CCDC93: variants seen among roughly 807,000 people sequenced by gnomAD.
CCDC93 encodes the protein CCC complex scaffolding subunit CCDC93, also known as coiled-coil domain-containing protein 93.
A neutral mutation model predicts 108.2 loss-of-function variants in CCDC93; 61 were observed. That is an observed-to-expected ratio of 0.56 (90% CI 0.46 to 0.70). The LOEUF (loss-of-function observed/expected upper bound fraction) is 0.70, where lower values mean the gene tolerates loss of function less well. Ranked by LOEUF, CCDC93 falls within the 30% of genes least tolerant of loss-of-function variation. The pLI, the probability that CCDC93 is intolerant of heterozygous loss-of-function variation, is 0.00. For missense variants in CCDC93, 685 were observed against 764.2 expected (o/e 0.90, Z 1.22); for synonymous variants, 276 against 260.4 (o/e 1.06, Z -0.58).
At chr2:117,990,186 A>G (rs1428341289) in intron 6 of CCDC93, among the ~76,000 whole-genome samples, 1 of 152,196 alleles carries the variant, frequency 6.6e-6, no homozygotes, top group Non-Finnish European at 1.5e-5. Flanking sequence ...CTGACATCTC[A>G]GAGGAGGAAG....
At position 117,941,210 on chromosome 2, in the gene CCDC93, A is replaced by G; in HGVS notation, c.1501T>C (p.Phe501Leu). 2.5e-6 allele frequency: 4 copies of G among 1,613,182 alleles called. No individual in the cohort carries two copies. Among genetic ancestry groups the G allele is most frequent in the African/African-American group, 1.3e-5 (1 of 74,932 alleles). ...CTACTCTGGCGGTAGAGTTCAATAA[A>G]TCTCTTCTGATACTGTATTAGCTCG... ...RAELIQYQKR[F>L]IELYRQISAV... Residue 501 changes from phenylalanine (F) to leucine (L), a missense_variant, in exon 19 of 24, where the codon TTT becomes CTT. Coordinates refer to ENST00000376300, the MANE Select transcript of CCDC93 (RefSeq NM_019044.5).
At chr2:117,921,448 A>T (rs1007523270) in intron 23 of CCDC93, among the ~76,000 whole-genome samples, 11 of 151,908 alleles carry the variant, frequency 7.2e-5, no homozygotes, top group African/African-American at 1.2e-4. Flanking sequence ...AATAACTCTG[A>T]CCCCATTCTC....
At position 117,975,360 on chromosome 2, in the gene CCDC93, G is replaced by A; in HGVS notation, c.658-80C>T. The A allele has an allele frequency of 7.6e-6, 8 of 1,048,276 alleles. No individual in the cohort carries two copies. In the South Asian group the frequency reaches 1.1e-4, roughly 14 times the overall value. 64.9% of individuals were successfully genotyped at this position (1,048,276 alleles called of 1,614,324 possible). A position where few individuals can be genotyped will look rare whatever the true frequency, so the allele number is the denominator to read the frequency against. ...AAAGGACAATACTGACAAGAGGCAT[G>A]AGTCTGTGAAAAAAACACAGACCTG... On this transcript the variant is annotated intron_variant, in intron 8 of 23. Transcript: ENST00000376300.
At chr2:117,986,592 G>T (rs1680326855) in intron 6 of CCDC93, among the ~76,000 whole-genome samples, 1 of 152,060 alleles carries the variant, frequency 6.6e-6, no homozygotes, top group Admixed American at 6.5e-5. Flanking sequence ...TTACTACCAG[G>T]TTTTACCAGA....
intron 7 of CCDC93, among the ~76,000 whole-genome samples, chr2:117,979,579 A>G (rs999303206): frequency 2.0e-5 from 3 of 152,248 alleles, no homozygotes; most frequent in African/African-American, 4.8e-5. Flanking sequence ...CAAACTAAAC[A>G]TAAGTGAAAA....
At chr2:117,994,768 T>C (rs1436312636) in intron 6 of CCDC93, among the ~76,000 whole-genome samples, 1 of 152,112 alleles carries the variant, frequency 6.6e-6, no homozygotes, top group Non-Finnish European at 1.5e-5. Flanking sequence ...ATGACATAAT[T>C]TAGATGAAGT....
Position 118,000,923 on chromosome 2 carries a change from T to C in CCDC93, c.261A>G (p.Ser87=). ...NSTIGQKIAL[S]EKIVSVLPRM... ...TTGGCAGGACCGAGACAATTTTTTC[T>C]GACAGAGCTCTGTTCAGAAAAAGTA... Residue 87 remains serine (S), a synonymous_variant, in exon 4 of 24, where the codon TCA becomes TCG. Transcript: ENST00000376300. 1.9e-6 allele frequency: 3 copies of C among 1,609,404 alleles called. No homozygotes were observed. The highest frequency in any genetic ancestry group is 2.6e-6 in the Non-Finnish European group (3 of 1,175,748).
intron 1 of CCDC93, among the ~76,000 whole-genome samples, chr2:118,011,729 G>A (rs1677026466): frequency 6.6e-6 from 1 of 152,010 alleles, no homozygotes. Context: ...GACACCCACT[G>A]GCCACCCCAC....
rs920325188 is a variant in CCDC93, at chr2:117,920,190, T to C, written c.*153A>G. The C allele has an allele frequency of 1.8e-6, 1 of 546,902 alleles. No homozygotes were observed. Among genetic ancestry groups the C allele is most frequent in the Non-Finnish European group, 3.3e-6 (1 of 303,078 alleles). 33.9% of individuals were successfully genotyped at this position (546,902 alleles called of 1,614,324 possible). ...ATCAACAGCAGCCAACAGAGATGAA[T>C]GGAAGCAAAGAGGAGAAAGAAAACA... On this transcript the variant is annotated 3_prime_UTR_variant, in exon 24 of 24. Transcript: ENST00000376300.
At chr2:117,992,889 AC>A (rs1466484666) in intron 6 of CCDC93, among the ~76,000 whole-genome samples, 6 of 151,414 alleles carry the variant, frequency 4.0e-5, no homozygotes, top group Non-Finnish European at 7.4e-5. Context: ...AAAAAAAAAA[AC>A]CTCCATTAAA....
Position 117,995,372 on chromosome 2 carries a change from G to A in CCDC93, c.519+74C>T, listed in dbSNP as rs776952421. 11 of 1,151,270 alleles carry A rather than the reference G, an allele frequency of 9.6e-6. 1 individual carries two copies. Among genetic ancestry groups the A allele is most frequent in the Admixed American group, 5.3e-5 (3 of 56,558 alleles). 71.3% of individuals were successfully genotyped at this position (1,151,270 alleles called of 1,614,324 possible). A position where few individuals can be genotyped will look rare whatever the true frequency, so the allele number is the denominator to read the frequency against. The stretch of plus-strand genomic sequence containing the variant: ...CGTAGATGGAAGCCTCAGGAGCAGC[G>A]CTTTTGTGATTTAACAAAGGGCTAT... On this transcript the variant is annotated intron_variant, in intron 6 of 23. Transcript: ENST00000376300.
chr2:117,949,744 T>G, intron 13 of CCDC93: 3 of 984,700 alleles, frequency 3.0e-6, no homozygotes, highest in Non-Finnish European at 3.6e-6. Context: ...AGAGGTCTAG[T>G]TGAAAATAGT....
At chr2:117,956,659 T>C (rs1304984781) in intron 12 of CCDC93, among the ~76,000 whole-genome samples, 1 of 152,212 alleles carries the variant, frequency 6.6e-6, no homozygotes, top group African/African-American at 2.4e-5. Flanking sequence ...CTCATTAAAA[T>C]GTCTAAACAA....
chr2:117,949,839 C>A lies in CCDC93; in HGVS notation c.1069-444G>T, dbSNP rs1325261768. ...ATTACATTAGAACACAAGAGTTTAA[C>A]CTCACAGGCCAAAAAGGATGGTTAA... On this transcript the variant is annotated intron_variant, in intron 13 of 23. Transcript: ENST00000376300. The A allele has an allele frequency of 4.1e-6, 4 of 985,390 alleles. No homozygotes were observed. In the African/African-American group the frequency reaches 7.0e-5, roughly 17 times the overall value. 61.0% of individuals were successfully genotyped at this position (985,390 alleles called of 1,614,324 possible). A position where few individuals can be genotyped will look rare whatever the true frequency, so the allele number is the denominator to read the frequency against.
In CCDC93 at chr2:117,920,322, T is replaced by TA. The variant is rs1320776471; in HGVS notation, c.*20dup. The TA allele has an allele frequency of 1.9e-6, 3 of 1,595,256 alleles. No homozygotes were observed. The African/African-American group carries it at 4.0e-5, about 21-fold the overall frequency. On this transcript the variant is annotated 3_prime_UTR_variant, in exon 24 of 24. Coordinates refer to ENST00000376300, the MANE Select transcript of CCDC93 (RefSeq NM_019044.5). ...GTGCTTAAAAGTAAAATCAATGACA[T>TA]ACAGCCACGGCTGGGGATGTTCAGG...
intron 23 of CCDC93, among the ~76,000 whole-genome samples, chr2:117,926,896 C>G (rs567609597): frequency 6.6e-6 from 1 of 152,142 alleles, no homozygotes; most frequent in African/African-American, 2.4e-5. Context: ...CCGAATCCAG[C>G]AGCACATCAA....
At chr2:117,931,358 T>C (rs1678320661) in intron 22 of CCDC93, 1 of 466,796 alleles carries the variant, frequency 2.1e-6, no homozygotes, top group Non-Finnish European at 3.8e-6. Flanking sequence ...TATCACTGAG[T>C]ATTAACTGTT....
chr2:117,927,265 G>C (rs2104706073), intron 23 of CCDC93, among the ~76,000 whole-genome samples: 1 of 152,188 alleles, frequency 6.6e-6, no homozygotes, highest in East Asian at 1.9e-4. Context: ...GGAAGTTCTG[G>C]TCAGGGCAAT....
Position 117,965,885 on chromosome 2 carries a change from GA to G in CCDC93, c.889-7405del, listed in dbSNP as rs34853808. Among the ~76,000 whole-genome samples, 13 of 143,594 alleles carry G rather than the reference GA, an allele frequency of 9.1e-5. No individual in the cohort carries two copies. The East Asian group carries it at 1.8e-3, about 20-fold the overall frequency. 94.2% of individuals were successfully genotyped at this position (143,594 alleles called of 152,430 possible). A position where few individuals can be genotyped will look rare whatever the true frequency, so the allele number is the denominator to read the frequency against. ...GGTCAATTCCATCAGTTCTCTGGCA[GA>G]AAAAAAAAACAAAGACTTAAAATAT... is the stretch of plus-strand genomic sequence containing the variant. On this transcript the variant is annotated intron_variant, in intron 11 of 23. Transcript: ENST00000376300.
Sources: gnomAD v4.1 joint callset for allele counts (sites outside exome capture counted in the v4.1 genomes callset) on GRCh38, gnomAD v4.1.1 for gene constraint, MANE v1.5 for transcripts, NCBI Gene and HGNC (gene_info 2026-07-23, HGNC 2026-07-21) for gene names.